Variants in DYNLT5 observed in about 807,000 individuals in gnomAD.
The protein encoded by DYNLT5 is dynein light chain Tctex-type 5.
In DYNLT5, 25 loss-of-function variants were observed where a neutral mutation model predicts 19.3. The ratio of observed to expected loss-of-function variants is 1.30; its 90% confidence interval spans 0.95 to 1.81. The LOEUF is 1.81. Among genes scored for constraint, DYNLT5 ranks in the 40% most tolerant of loss-of-function variants. DYNLT5 has a pLI of 0.00. For missense variants in DYNLT5, 232 were observed against 217.9 expected, an observed-to-expected ratio of 1.06 and a Z score of -0.41; for synonymous variants, 82 against 68.9, an observed-to-expected ratio of 1.19 and a Z score of -0.94.
chr1:66,753,536 A>G (rs1332336847), intron 1 of DYNLT5, among the ~76,000 whole-genome samples: 1 of 152,210 alleles, frequency 6.6e-6, no homozygotes, highest in Non-Finnish European at 1.5e-5. Flanking sequence ...TTTACAAACT[A>G]TGTAAATGTT....
intron 2 of DYNLT5, among the ~76,000 whole-genome samples, chr1:66,761,597 A>G (rs75300309): frequency 9.4e-4 from 143 of 152,276 alleles, no homozygotes; most frequent in Non-Finnish European, 1.6e-3. Context: ...AGCCTGGACA[A>G]CATAGTGAGA....
intron 3 of DYNLT5, chr1:66,770,990 A>G (rs1235976720): frequency 6.1e-6 from 1 of 164,310 alleles, no homozygotes; most frequent in East Asian, 1.7e-4. Context: ...TCCGTGGCAA[A>G]TATCTTTTCC....
In DYNLT5 at chr1:66,777,433, C is replaced by T. The variant is rs1645243436; in HGVS notation, c.519C>T (p.Val173=). The T allele has an allele frequency of 1.2e-6, 2 of 1,613,510 alleles. No individual in the cohort carries two copies. Among genetic ancestry groups the T allele is most frequent in the African/African-American group, 1.3e-5 (1 of 74,904 alleles). The change falls in exon 5 of 5, where the codon GTC becomes GTT. Residue 173 remains valine (V), a synonymous_variant. Coordinates refer to ENST00000282670, the MANE Select transcript of DYNLT5 (RefSeq NM_152665.3). ...RNSSLFALAN[V]YAVYLE ...CTTCTCTCTTCGCTCTTGCAAATGT[C>T]TATGCAGTTTACCTTGAGTGATTGA...
chr1:66,762,844 GA>G (rs1287684806), intron 2 of DYNLT5, among the ~76,000 whole-genome samples: 3 of 152,048 alleles, frequency 2.0e-5, no homozygotes, highest in African/African-American at 7.2e-5. Context: ...GGGGTTAGGG[GA>G]AAAAAATAGC....
chr1:66,776,141 AG>A, intron 3 of DYNLT5, 137 bp from the exon 4 acceptor site: 1 of 1,143,622 alleles, frequency 8.7e-7, no homozygotes, highest in Non-Finnish European at 1.2e-6. Flanking sequence ...ACCTAATTAG[AG>A]CCACTTGTTT....
At chr1:66,769,764 T>C (rs1323315279) in intron 2 of DYNLT5, among the ~76,000 whole-genome samples, 1 of 152,172 alleles carries the variant, frequency 6.6e-6, no homozygotes, top group Non-Finnish European at 1.5e-5. Flanking sequence ...AAGCTCATAT[T>C]GCCTTGATAA....
chr1:66,764,499 A>G (rs1259751589), intron 2 of DYNLT5, among the ~76,000 whole-genome samples: 2 of 152,234 alleles, frequency 1.3e-5, no homozygotes. Flanking sequence ...GAACACACAT[A>G]ACATTTATCA....
At chr1:66,752,658 G>A (rs2094627854) in intron 1 of DYNLT5, 74 bp downstream of exon 1, 1 of 917,402 alleles carries the variant, frequency 1.1e-6, no homozygotes, top group Admixed American at 6.2e-5. Flanking sequence ...GCCCTTTGTT[G>A]AGAAATGGCC....
At chr1:66,769,400 G>A (rs184637922) in intron 2 of DYNLT5, among the ~76,000 whole-genome samples, 47 of 152,122 alleles carry the variant, frequency 3.1e-4, no homozygotes, top group Non-Finnish European at 3.7e-4. Context: ...TCCAAACAGC[G>A]TAGAACTAAG....
intron 2 of DYNLT5, among the ~76,000 whole-genome samples, chr1:66,765,624 T>TTTTTC (rs929550376): frequency 1.3e-5 from 2 of 150,700 alleles, no homozygotes; most frequent in Non-Finnish European, 2.9e-5. Flanking sequence ...ATGTTCTAAC[T>TTTTTC]TTTTCTTTTC....
chr1:66,761,712 A>T (rs1215644723), intron 2 of DYNLT5, among the ~76,000 whole-genome samples: 1 of 152,174 alleles, frequency 6.6e-6, no homozygotes, highest in African/African-American at 2.4e-5. Context: ...TGGGAGGCTG[A>T]GGTTGCAGTG....
chr1:66,762,207 G>T (rs541938570), intron 2 of DYNLT5, among the ~76,000 whole-genome samples: 1 of 151,706 alleles, frequency 6.6e-6, no homozygotes, highest in Non-Finnish European at 1.5e-5. Flanking sequence ...ATATTCATGG[G>T]GTACATAGTG....
intron 2 of DYNLT5, among the ~76,000 whole-genome samples, chr1:66,766,989 G>A (rs1469500533): frequency 6.6e-6 from 1 of 152,138 alleles, no homozygotes; most frequent in Non-Finnish European, 1.5e-5. Context: ...CTACGTGAGG[G>A]TTGAGGGTGG....
chr1:66,762,054 C>CT (rs1328307133), intron 2 of DYNLT5, among the ~76,000 whole-genome samples: 1 of 152,208 alleles, frequency 6.6e-6, no homozygotes, highest in African/African-American at 2.4e-5. Flanking sequence ...CAAGAAACCA[C>CT]TTTCTTTGCT....
At chr1:66,776,161 A>G in intron 3 of DYNLT5, 118 bp from the exon 4 acceptor site, 1 of 1,327,974 alleles carries the variant, frequency 7.5e-7, no homozygotes, top group South Asian at 1.8e-5. Context: ...TTCTTTCAAT[A>G]GAGTCCACCC....
chr1:66,776,560 G>GGT (rs112651579), intron 4 of DYNLT5, among the ~76,000 whole-genome samples, 157 bp downstream of exon 4: 40,810 of 126,610 alleles, frequency 0.32, 5,719 homozygotes, highest in Non-Finnish European at 0.36. Context: ...TGTGTGTGTG[G>GGT]GTGTGTGTGT....
intron 1 of DYNLT5, among the ~76,000 whole-genome samples, chr1:66,753,153 GCA>G (rs1477915170): frequency 6.6e-6 from 1 of 152,054 alleles, no homozygotes; most frequent in Admixed American, 6.6e-5. Flanking sequence ...ACACTCACGT[GCA>G]CACACACACC....
Position 66,770,494 on chromosome 1 carries a change from T to A in DYNLT5, c.211+16T>A. The A allele has an allele frequency of 5.7e-6, 9 of 1,572,444 alleles. No individual in the cohort carries two copies. Among genetic ancestry groups the A allele is most frequent in the Non-Finnish European group, 7.9e-6 (9 of 1,142,440 alleles). On this transcript the variant is annotated intron_variant, in intron 3 of 4. Coordinates refer to ENST00000282670, the MANE Select transcript of DYNLT5 (RefSeq NM_152665.3). ...TATCAGTTGGGTGTGTTCTTTTATC[T>A]CTCACTCCTATTTTAAACTTCTAAA... is the stretch of plus-strand genomic sequence containing the variant.
At chr1:66,753,468 T>C (rs1487167721) in intron 1 of DYNLT5, among the ~76,000 whole-genome samples, 4 of 152,200 alleles carry the variant, frequency 2.6e-5, no homozygotes, top group African/African-American at 7.2e-5. Flanking sequence ...CAAGTATTAG[T>C]AGGAAGGAGG....
Sources: gnomAD v4.1 joint callset for allele counts (sites outside exome capture counted in the v4.1 genomes callset) on GRCh38, gnomAD v4.1.1 for gene constraint, MANE v1.5 for transcripts, NCBI Gene and HGNC (gene_info 2026-07-23, HGNC 2026-07-21) for gene names.